C1orf141: variants seen among roughly 807,000 people sequenced by gnomAD.
C1orf141 encodes uncharacterized protein C1orf141.
In C1orf141, 19 loss-of-function variants were observed where a neutral mutation model predicts 23.2. That is an observed-to-expected ratio of 0.82 (90% CI 0.57 to 1.20). The LOEUF is 1.20. Ranked by LOEUF, C1orf141 falls within the 50% of genes most tolerant of loss-of-function variation. The pLI is 0.00. For missense variants in C1orf141, 469 were observed against 455.1 expected (o/e 1.03, Z -0.28); for synonymous variants, 153 against 154.6 (o/e 0.99, Z 0.08).
chr1:67,133,459 G>A (rs1196288133), intron 1 of C1orf141, among the ~76,000 whole-genome samples: 1 of 152,192 alleles, frequency 6.6e-6, no homozygotes. Context: ...AACTGGCTGA[G>A]TTATCTCCAT....
chr1:67,111,411 C>T (rs909152213), intron 5 of C1orf141, among the ~76,000 whole-genome samples: 6 of 152,132 alleles, frequency 3.9e-5, no homozygotes, highest in Middle Eastern at 6.9e-3. Flanking sequence ...CTACTGTCTC[C>T]ATACATAAAG....
At chr1:67,120,331 T>G (rs570629718) in intron 4 of C1orf141, among the ~76,000 whole-genome samples, 1 of 152,274 alleles carries the variant, frequency 6.6e-6, no homozygotes, top group East Asian at 1.9e-4. Context: ...ATATCTGATT[T>G]AGATGATATT....
In C1orf141 at chr1:67,115,335, G is replaced by T; in HGVS notation, c.346+17C>A. 1.1e-6 allele frequency: 1 copy of T among 895,564 alleles called. No individual in the cohort carries two copies. Among genetic ancestry groups the T allele is most frequent in the Non-Finnish European group, 1.8e-6 (1 of 550,826 alleles). 55.5% of individuals were successfully genotyped at this position (895,564 alleles called of 1,614,324 possible). ...ATTAATAAATCAAAGAAGTAAATATGTTACACAAAGCATTACCTGTTGACT... is the reference window on the plus strand; with the variant it reads ...ATTAATAAATCAAAGAAGTAAATATTTTACACAAAGCATTACCTGTTGACT... On this transcript the variant is annotated intron_variant, in intron 5 of 7. Coordinates refer to ENST00000684719, the MANE Select transcript of C1orf141 (RefSeq NM_001276351.2).
rs1314003732 is a variant in C1orf141 at position 67,092,489 on chromosome 1, CAAT to C, written c.*513_*515del. On this transcript the variant is annotated 3_prime_UTR_variant, in exon 8 of 8. Coordinates refer to ENST00000684719, the MANE Select transcript of C1orf141 (RefSeq NM_001276351.2). Reference sequence around the variant, plus strand: ...ATGAAGTTCCAACAGCTACTAATGACAATAAAATCTATTCAAAGTTTTACAAAG... The same window carrying C: ...ATGAAGTTCCAACAGCTACTAATGACAAAATCTATTCAAAGTTTTACAAAG... The C allele has an allele frequency of 2.6e-5, 4 of 152,198 alleles. No individual in the cohort carries two copies. Among genetic ancestry groups the C allele is most frequent in the African/African-American group, 9.7e-5 (4 of 41,420 alleles). 9.4% of individuals were successfully genotyped at this position (152,198 alleles called of 1,614,324 possible). A position where few individuals can be genotyped will look rare whatever the true frequency, so the allele number is the denominator to read the frequency against.
intron 7 of C1orf141, chr1:67,094,196 G>A (rs991850615): frequency 1.3e-5 from 2 of 152,164 alleles, no homozygotes; most frequent in Non-Finnish European, 2.9e-5. Flanking sequence ...CTTAAGAATA[G>A]ACATTTTTAT....
intron 4 of C1orf141, among the ~76,000 whole-genome samples, chr1:67,120,844 T>G (rs935916615): frequency 2.6e-5 from 4 of 152,164 alleles, no homozygotes; most frequent in African/African-American, 9.7e-5. Context: ...AGTAACTGTG[T>G]TTGGGTCAAT....
At chr1:67,107,627 G>A (rs191340406) in intron 5 of C1orf141, among the ~76,000 whole-genome samples, 26 of 152,274 alleles carry the variant, frequency 1.7e-4, no homozygotes, top group Admixed American at 1.2e-3. Context: ...AGTGGCTCAC[G>A]CCTGTAATCC....
chr1:67,134,505 T>C (rs1646563410), intron 1 of C1orf141, among the ~76,000 whole-genome samples: 1 of 152,202 alleles, frequency 6.6e-6, no homozygotes, highest in Non-Finnish European at 1.5e-5. Context: ...TTTGGAAATG[T>C]ATCAATTAAG....
chr1:67,128,385 A>C (rs148217962), intron 2 of C1orf141, among the ~76,000 whole-genome samples: 4 of 40,296 alleles, frequency 9.9e-5, no homozygotes, highest in East Asian at 7.1e-4. Context: ...TTATTTATTT[A>C]TTTATTTATT....
chr1:67,094,741 A>G (rs1200067108), intron 7 of C1orf141: 4 of 152,714 alleles, frequency 2.6e-5, no homozygotes, highest in African/African-American at 9.6e-5. Context: ...ATAGCCTTTA[A>G]TAAATGCACT....
At chr1:67,107,758 C>T (rs540000643) in intron 5 of C1orf141, among the ~76,000 whole-genome samples, 200 of 152,224 alleles carry the variant, frequency 1.3e-3, no homozygotes, top group Non-Finnish European at 2.1e-3. Flanking sequence ...GGCGTGGTGG[C>T]GCATGCCTGT....
intron 4 of C1orf141, among the ~76,000 whole-genome samples, chr1:67,124,882 T>C (rs1646374494): frequency 6.6e-6 from 1 of 152,222 alleles, no homozygotes; most frequent in African/African-American, 2.4e-5. Flanking sequence ...GAAAACTTGT[T>C]ACCCAGAATA....
chr1:67,094,546 C>G (rs759219416), intron 7 of C1orf141: 1 of 152,248 alleles, frequency 6.6e-6, no homozygotes, highest in Non-Finnish European at 1.5e-5. Flanking sequence ...GGAGTTACAT[C>G]TAGCTTTGAA....
intron 5 of C1orf141, among the ~76,000 whole-genome samples, chr1:67,096,683 T>C (rs574784590): frequency 6.6e-6 from 1 of 152,308 alleles, no homozygotes; most frequent in East Asian, 1.9e-4. Context: ...TTTGCAGATA[T>C]CAAACAGATC....
At chr1:67,134,360 G>A (rs1646561508) in intron 1 of C1orf141, among the ~76,000 whole-genome samples, 1 of 152,204 alleles carries the variant, frequency 6.6e-6, no homozygotes, top group South Asian at 2.1e-4. Flanking sequence ...GATGTACGTG[G>A]ATTGTGGAGT....
At chr1:67,122,073 G>C (rs1646310854) in intron 4 of C1orf141, 1 of 152,274 alleles carries the variant, frequency 6.6e-6, no homozygotes, top group South Asian at 2.1e-4. Flanking sequence ...TTTCACTCTT[G>C]GTGCCCAGGC....
upstream of C1orf141, among the ~76,000 whole-genome samples, chr1:67,135,906 C>CAAAAAAAAAA (rs59519661): frequency 2.2e-3 from 140 of 62,570 alleles, 9 homozygotes; most frequent in East Asian, 2.6e-3. Flanking sequence ...GGCAAAACTG[C>CAAAAAAAAAA]AAAAAAAAAA....
chr1:67,105,041 T>C (rs1224799237), intron 5 of C1orf141, among the ~76,000 whole-genome samples: 1 of 152,112 alleles, frequency 6.6e-6, no homozygotes, highest in Non-Finnish European at 1.5e-5. Flanking sequence ...TGATAAAGAA[T>C]ATTGGCCAGG....
At chr1:67,122,134 T>C (rs572929303) in intron 4 of C1orf141, 1 of 152,370 alleles carries the variant, frequency 6.6e-6, no homozygotes, top group African/African-American at 2.4e-5. Flanking sequence ...CCTCCAGGGT[T>C]TAAGCTATTC....
Sources: allele counts gnomAD v4.1 joint callset (sites outside exome capture counted in the v4.1 genomes callset), GRCh38; gene constraint gnomAD v4.1.1; transcripts MANE v1.5; gene names NCBI Gene and HGNC (gene_info 2026-07-23, HGNC 2026-07-21).